CALU: variants seen among roughly 807,000 people sequenced by gnomAD.
CALU encodes the protein calumenin.
In CALU, 13 loss-of-function variants were observed where a neutral mutation model predicts 37.5. The observed-to-expected ratio is 0.35, with a 90% CI of 0.23 to 0.55. CALU has a LOEUF of 0.55. Ranked by LOEUF, CALU falls within the 20% of genes least tolerant of loss-of-function variation. The probability of loss-of-function intolerance (pLI) is 0.89; values close to 1 mark genes in which losing one functional copy is unlikely to be tolerated. For synonymous variants in CALU, 114 were observed against 133.8 expected, an observed-to-expected ratio of 0.85 and a Z score of 1.02; for missense variants, 282 against 391.7, an observed-to-expected ratio of 0.72 and a Z score of 2.36.
Position 128,745,570 on chromosome 7 carries a change from A to G in CALU, c.-11-3003A>G, listed in dbSNP as rs898186546. 2.6e-5 allele frequency among the ~76,000 whole-genome samples: 4 copies of G among 152,172 alleles called. No individual in the cohort carries two copies. In the South Asian group the frequency reaches 6.2e-4, roughly 24 times the overall value. ...CAGTGAGCTATCATCACACCACTAT[A>G]TCTAGCCTGGGTGACAGAGTAAGAC... On this transcript the variant is annotated intron_variant, in intron 1 of 6. Transcript: ENST00000249364.
At chr7:128,748,847 T>G (rs1224340857) in intron 2 of CALU, 43 bp downstream of exon 2, 2 of 1,333,820 alleles carry the variant, frequency 1.5e-6, no homozygotes, top group African/African-American at 2.9e-5. Context: ...GTAATGACAT[T>G]CTTTATAAAG....
Position 128,771,063 on chromosome 7 carries a change from C to T in CALU, c.*1896C>T, listed in dbSNP as rs909063587. The T allele has an allele frequency of 6.6e-6, 1 of 152,542 alleles. No individual in the cohort carries two copies. Among genetic ancestry groups the T allele is most frequent in the African/African-American group, 2.4e-5 (1 of 41,420 alleles). The allele number at this position is 152,542 out of a possible 1,614,324, so 9.4% of individuals were successfully genotyped here. On this transcript the variant is annotated 3_prime_UTR_variant, in exon 7 of 7. Transcript: ENST00000249364. ...GGAAATTTCCTGCCCTCTGGGTTCC[C>T]CATTTTTACTATTAAGAAGACCAGT... is the stretch of plus-strand genomic sequence containing the variant.
Position 128,748,149 on chromosome 7 carries a change from G to T in CALU, c.-11-424G>T, listed in dbSNP as rs1800518252. On this transcript the variant is annotated intron_variant, in intron 1 of 6. Coordinates refer to ENST00000249364, the MANE Select transcript of CALU (RefSeq NM_001219.5). ...AGGAGAAACTTAAAGCTTCCTAGATGATTCTAATAACCAGCCATGTTTGAA... is the reference window on the plus strand; with the variant it reads ...AGGAGAAACTTAAAGCTTCCTAGATTATTCTAATAACCAGCCATGTTTGAA... The T allele has an allele frequency of 2.1e-5, 10 of 470,744 alleles. No homozygotes were observed. The South Asian group carries it at 4.0e-4, about 19-fold the overall frequency. 29.2% of individuals were successfully genotyped at this position (470,744 alleles called of 1,614,324 possible).
rs865881835 is a variant in CALU at position 128,757,733 on chromosome 7, C to T, written c.416-1138C>T. Among the ~76,000 whole-genome samples the T allele has an allele frequency of 2.6e-5, 4 of 152,116 alleles. No homozygotes were observed. In the South Asian group the frequency reaches 8.3e-4, roughly 32 times the overall value. On this transcript the variant is annotated intron_variant, in intron 3 of 6. Transcript: ENST00000249364. ...GTCTGTTATCTTAATTTGGTTTATA[C>T]AGGAACGCAGATTGAAAAAGAATTT... is the stretch of plus-strand genomic sequence containing the variant.
chr7:128,769,217 C>T lies in CALU; in HGVS notation c.*50C>T. 1 of 972,794 alleles carries T rather than the reference C, an allele frequency of 1.0e-6. No individual in the cohort carries two copies. Among genetic ancestry groups the T allele is most frequent in the Admixed American group, 2.2e-5 (1 of 45,308 alleles). The allele number at this position is 972,794 out of a possible 1,614,324, so 60.3% of individuals were successfully genotyped here. A position where few individuals can be genotyped will look rare whatever the true frequency, so the allele number is the denominator to read the frequency against. ...CAAAAGTAATTTATTTTTACAGCTT[C>T]TGGTTTCACATGAAATTGTTTGCGC... On this transcript the variant is annotated 3_prime_UTR_variant, in exon 7 of 7. Coordinates refer to ENST00000249364, the MANE Select transcript of CALU (RefSeq NM_001219.5).
chr7:128,752,402 C>T (rs1227017844), intron 2 of CALU, among the ~76,000 whole-genome samples: 3 of 152,036 alleles, frequency 2.0e-5, no homozygotes, highest in Non-Finnish European at 4.4e-5. Flanking sequence ...TTTATCTGGG[C>T]GATCCTTCTC....
intron 6 of CALU, among the ~76,000 whole-genome samples, chr7:128,768,299 T>C (rs967326750): frequency 1.3e-5 from 2 of 152,182 alleles, no homozygotes; most frequent in African/African-American, 4.8e-5. Flanking sequence ...TTCAGTTTTT[T>C]ATTTTAGAGC....
chr7:128,757,827 A>G lies in CALU; in HGVS notation c.416-1044A>G, dbSNP rs143508947. ...AAATTTCACTTTTCTATATTCTTAT[A>G]TAGAGACTAGATAACTGCTGCTTGT... On this transcript the variant is annotated intron_variant, in intron 3 of 6. Transcript: ENST00000249364. Among the ~76,000 whole-genome samples, 70 of 152,268 alleles carry G rather than the reference A, an allele frequency of 4.6e-4. 1 individual carries two copies. In the East Asian group the frequency reaches 0.013, roughly 27 times the overall value.
chr7:128,763,450 G>A (rs1324565168), intron 5 of CALU, among the ~76,000 whole-genome samples: 2 of 152,118 alleles, frequency 1.3e-5, no homozygotes, highest in Non-Finnish European at 2.9e-5. Flanking sequence ...AGAATCGCTT[G>A]AACCCAGGAG....
chr7:128,759,159 G>C (rs961864766), intron 4 of CALU, 122 bp downstream of exon 4: 2 of 661,928 alleles, frequency 3.0e-6, no homozygotes, highest in Non-Finnish European at 4.9e-6. Flanking sequence ...GCATATCACT[G>C]TATATGCTAT....
rs1370854478 is a variant in CALU, at chr7:128,751,443, T to G, written c.221+2639T>G. The stretch of plus-strand genomic sequence containing the variant: ...AAGTGCACACTTACATATACAATTT[T>G]GGGCTAGGCGCAATGGCTCATGGCT... On this transcript the variant is annotated intron_variant, in intron 2 of 6. Transcript: ENST00000249364. 2.7e-5 allele frequency among the ~76,000 whole-genome samples: 4 copies of G among 149,906 alleles called. No homozygotes were observed. In the East Asian group the frequency reaches 8.1e-4, roughly 30 times the overall value.
chr7:128,744,878 A>C (rs531234712), intron 1 of CALU, among the ~76,000 whole-genome samples: 71 of 152,310 alleles, frequency 4.7e-4, no homozygotes, highest in African/African-American at 1.7e-3. Context: ...GATAAAGCTA[A>C]ATCACTTGGC....
chr7:128,769,691 G>A lies in CALU; in HGVS notation c.*524G>A, dbSNP rs1158532955. On this transcript the variant is annotated 3_prime_UTR_variant, in exon 7 of 7. Coordinates refer to ENST00000249364, the MANE Select transcript of CALU (RefSeq NM_001219.5). ...GTCCAACATTTCATAGGTAGTAGGG[G>A]CCACATATTACATTCAGTTGCTATA... 2.0e-5 allele frequency: 3 copies of A among 152,282 alleles called. No homozygotes were observed. The highest frequency in any genetic ancestry group is 2.9e-5 in the Non-Finnish European group (2 of 68,146). 9.4% of individuals were successfully genotyped at this position (152,282 alleles called of 1,614,324 possible).
rs1304180288 is a variant in CALU, at chr7:128,748,750, A to G, written c.167A>G (p.Glu56Gly). The G allele has an allele frequency of 6.2e-7, 1 of 1,614,214 alleles. No homozygotes were observed. The highest frequency in any genetic ancestry group is 8.5e-7 in the Non-Finnish European group (1 of 1,180,032). ...DYDHDAFLGA[E>G]EAKTFDQLTP... ...GACCATGATGCCTTCTTGGGTGCTG[A>G]AGAAGCAAAGACCTTTGATCAGCTG... The change falls in exon 2 of 7, where the codon GAA becomes GGA. Residue 56 changes from glutamate to glycine, a missense_variant. Physicochemically the swap from Glu to Gly is moderately conservative, Grantham distance 98. Coordinates refer to ENST00000249364, the MANE Select transcript of CALU (RefSeq NM_001219.5).
chr7:128,743,823 G>A (rs1035746808), intron 1 of CALU, among the ~76,000 whole-genome samples: 2 of 152,136 alleles, frequency 1.3e-5, no homozygotes, highest in Non-Finnish European at 2.9e-5. Context: ...CTTTTATAAA[G>A]TGTTGAAGTG....
intron 1 of CALU, among the ~76,000 whole-genome samples, chr7:128,747,048 A>C (rs1243114837): frequency 6.6e-6 from 1 of 152,120 alleles, no homozygotes; most frequent in Non-Finnish European, 1.5e-5. Flanking sequence ...GATTACAAGC[A>C]TGAGCCACTG....
intron 1 of CALU, among the ~76,000 whole-genome samples, chr7:128,744,403 G>GT (rs1400039369): frequency 6.6e-6 from 1 of 151,818 alleles, no homozygotes; most frequent in Non-Finnish European, 1.5e-5. Flanking sequence ...TATGGATGGT[G>GT]TTTTTTGTTT....
rs1161564543 is a variant in CALU at position 128,771,365 on chromosome 7, GCTCT to G, written c.*2201_*2204del. 1 of 152,600 alleles carries G rather than the reference GCTCT, an allele frequency of 6.6e-6. No homozygotes were observed. Among genetic ancestry groups the G allele is most frequent in the Non-Finnish European group, 1.5e-5 (1 of 68,032 alleles). 9.5% of individuals were successfully genotyped at this position (152,600 alleles called of 1,614,324 possible). A position where few individuals can be genotyped will look rare whatever the true frequency, so the allele number is the denominator to read the frequency against. On this transcript the variant is annotated 3_prime_UTR_variant, in exon 7 of 7. Coordinates refer to ENST00000249364, the MANE Select transcript of CALU (RefSeq NM_001219.5). The stretch of plus-strand genomic sequence containing the variant: ...CATATTGTGTGTTCTGTGAATGCTA[GCTCT>G]CTTGAATTTGGATATTGGTTATTTT...
chr7:128,757,292 G>T (rs1800922323), intron 3 of CALU, among the ~76,000 whole-genome samples: 1 of 151,960 alleles, frequency 6.6e-6, no homozygotes, highest in Non-Finnish European at 1.5e-5. Flanking sequence ...GTTTAGAAGA[G>T]ACACTTTAGT....
Sources: gnomAD v4.1 joint callset for allele counts (sites outside exome capture counted in the v4.1 genomes callset) on GRCh38, gnomAD v4.1.1 for gene constraint, MANE v1.5 for transcripts, NCBI Gene and HGNC (gene_info 2026-07-23, HGNC 2026-07-21) for gene names.